The following CFAP47 variants were observed in gnomAD, a reference collection of about 807,000 sequenced individuals.
CFAP47 encodes the protein cilia- and flagella-associated protein 47.
CFAP47 carries 29 observed loss-of-function variants against 148.1 expected under a neutral mutation model. The ratio of observed to expected loss-of-function variants is 0.20; its 90% confidence interval spans 0.15 to 0.27. CFAP47 has a LOEUF of 0.27. CFAP47 is among the 10% of genes least tolerant of loss of function. The probability of loss-of-function intolerance (pLI) is 1.00; values close to 1 mark genes in which losing one functional copy is unlikely to be tolerated. For synonymous variants in CFAP47, 664 were observed against 577.3 expected (o/e 1.15, Z -2.15); for missense variants, 1,872 against 1,697.5 (o/e 1.10, Z -1.81).
intron 62 of CFAP47, among the ~76,000 whole-genome samples, chrX:36,373,609 GT>G (rs782580682): frequency 1.8e-5 from 2 of 111,298 alleles, no homozygotes; most frequent in Non-Finnish European, 3.8e-5. Flanking sequence ...TTTCTAGTAT[GT>G]TACATAGACA....
At position 36,353,832 on chromosome X, in the gene CFAP47, C is replaced by T. The variant is rs148419448; in HGVS notation, c.8851+151C>T. On this transcript the variant is annotated intron_variant, in intron 60 of 63. Coordinates refer to ENST00000378653, the MANE Select transcript of CFAP47 (RefSeq NM_001304548.2). ...TTCACATAGTGCTTAAGGAGTGTTCCGTTGTTATGTGTGTTATTTTCACGT... is the reference window on the plus strand; with the variant it reads ...TTCACATAGTGCTTAAGGAGTGTTCTGTTGTTATGTGTGTTATTTTCACGT... 5.2e-3 allele frequency among the ~76,000 whole-genome samples: 583 copies of T among 112,031 alleles called. 5 individuals are homozygous for T. Among genetic ancestry groups the T allele is most frequent in the African/African-American group, 0.017 (521 of 30,854 alleles).
chrX:35,938,508 A>G (rs1935950971), intron 2 of CFAP47, among the ~76,000 whole-genome samples: 1 of 111,288 alleles, frequency 9.0e-6, no homozygotes. Flanking sequence ...GTTTTTTTTT[A>G]ACAGAAAAGC....
At chrX:36,233,236 T>A (rs1382019058) in intron 46 of CFAP47, among the ~76,000 whole-genome samples, 4 of 111,246 alleles carry the variant, frequency 3.6e-5, no homozygotes, top group South Asian at 3.8e-4. Flanking sequence ...CCCATTATTA[T>A]TGTGTGGGAG....
chrX:36,140,629 C>G (rs1156943372), intron 35 of CFAP47, among the ~76,000 whole-genome samples: 1 of 111,640 alleles, frequency 9.0e-6, no homozygotes, highest in East Asian at 2.8e-4. Context: ...TTAAAACCAT[C>G]ACCCTCTAAT....
chrX:36,130,488 A>T (rs779196161), intron 33 of CFAP47, among the ~76,000 whole-genome samples: 7 of 111,444 alleles, frequency 6.3e-5, no homozygotes, highest in Non-Finnish European at 1.3e-4. Flanking sequence ...AATGTAAATT[A>T]GTACAATCAC....
chrX:36,352,422 A>G (rs1353475392), intron 59 of CFAP47, among the ~76,000 whole-genome samples: 1 of 111,328 alleles, frequency 9.0e-6, no homozygotes, highest in Admixed American at 9.6e-5. Flanking sequence ...TAAAATTTAC[A>G]TTTGTTATAG....
chrX:36,260,795 G>T (rs1394794934), intron 49 of CFAP47, among the ~76,000 whole-genome samples: 1 of 111,620 alleles, frequency 9.0e-6, no homozygotes, highest in African/African-American at 3.3e-5. Context: ...TGTCCAGAAT[G>T]GTATGTCTTA....
chrX:36,319,745 T>C (rs1331478925), intron 57 of CFAP47, among the ~76,000 whole-genome samples: 2 of 111,597 alleles, frequency 1.8e-5, no homozygotes, highest in Admixed American at 9.5e-5. Flanking sequence ...ACTACTGTTT[T>C]ACTGCGAATT....
intron 2 of CFAP47, among the ~76,000 whole-genome samples, chrX:35,936,710 G>A (rs1935918862): frequency 9.0e-6 from 1 of 110,917 alleles, no homozygotes; most frequent in South Asian, 3.8e-4. Context: ...TTTGTATGCT[G>A]TGGTTGTGAT....
In CFAP47 at chrX:36,311,124, A is replaced by C. The variant is rs1941390959; in HGVS notation, c.8344+135A>C. ...AAGAAAATTATCTTATAAAAGAGAA[A>C]ACAAGATTTGAGAGACGCAGTATTT... On this transcript the variant is annotated intron_variant, in intron 56 of 63. Coordinates refer to ENST00000378653, the MANE Select transcript of CFAP47 (RefSeq NM_001304548.2). 5.0e-6 allele frequency: 2 copies of C among 402,045 alleles called. 1 individual carries two copies. Among genetic ancestry groups the C allele is most frequent in the South Asian group, 1.4e-4 (2 of 14,443 alleles). The allele number at this position is 402,045 out of a possible 1,213,427, so 33.1% of individuals were successfully genotyped here. A position where few individuals can be genotyped will look rare whatever the true frequency, so the allele number is the denominator to read the frequency against.
At chrX:35,969,013 A>G (rs1936451551) in intron 10 of CFAP47, among the ~76,000 whole-genome samples, 1 of 109,921 alleles carries the variant, frequency 9.1e-6, no homozygotes, top group African/African-American at 3.3e-5. Context: ...GTATATATCT[A>G]TATATGTATA....
At chrX:36,248,947 G>A (rs150487139) in intron 48 of CFAP47, among the ~76,000 whole-genome samples, 1 of 110,270 alleles carries the variant, frequency 9.1e-6, no homozygotes, top group Admixed American at 9.8e-5. Flanking sequence ...ATAAGTCAAA[G>A]AAGAAATCAC....
At chrX:36,297,434 A>G (rs782365860) in intron 51 of CFAP47, among the ~76,000 whole-genome samples, 2 of 112,607 alleles carry the variant, frequency 1.8e-5, no homozygotes, top group South Asian at 7.3e-4. Context: ...TTTATAATTG[A>G]AATGCTCAAC....
intron 61 of CFAP47, among the ~76,000 whole-genome samples, chrX:36,366,735 A>T (rs782497228): frequency 9.0e-6 from 1 of 111,456 alleles, no homozygotes; most frequent in South Asian, 3.7e-4. Context: ...TAGATAAGAC[A>T]CCCTAAAAAT....
At chrX:36,307,462 G>T (rs1001636538) in intron 55 of CFAP47, among the ~76,000 whole-genome samples, 26 of 110,909 alleles carry the variant, frequency 2.3e-4, no homozygotes, top group African/African-American at 7.8e-4. Flanking sequence ...GCCAGTAAAA[G>T]GTTGAGGTGT....
chrX:36,271,914 T>G (rs1940963949), intron 49 of CFAP47, among the ~76,000 whole-genome samples: 2 of 111,918 alleles, frequency 1.8e-5, no homozygotes, highest in African/African-American at 3.2e-5. Context: ...CAAGATTATG[T>G]TGAAAATGAA....
At chrX:36,032,307 G>GA (rs974674041) in intron 23 of CFAP47, among the ~76,000 whole-genome samples, 23 of 103,667 alleles carry the variant, frequency 2.2e-4, no homozygotes, top group South Asian at 2.0e-3. Flanking sequence ...GCCCCATGGA[G>GA]AAAAAAAAAA....
At chrX:36,313,954 A>G (rs1486856011) in intron 56 of CFAP47, among the ~76,000 whole-genome samples, 2 of 112,193 alleles carry the variant, frequency 1.8e-5, no homozygotes, top group East Asian at 5.6e-4. Context: ...ACTTGAGCAA[A>G]TGAGACAGAA....
intron 21 of CFAP47, among the ~76,000 whole-genome samples, chrX:36,010,343 T>G (rs1321994307): frequency 2.7e-5 from 3 of 111,448 alleles, no homozygotes; most frequent in Non-Finnish European, 5.7e-5. Context: ...AGAATGGTAT[T>G]CTCTTTGAAT....
Sources: allele counts gnomAD v4.1 joint callset (sites outside exome capture counted in the v4.1 genomes callset), GRCh38; gene constraint gnomAD v4.1.1; transcripts MANE v1.5; gene names NCBI Gene and HGNC (gene_info 2026-07-23, HGNC 2026-07-21).